Variants in MED30 observed in about 807,000 individuals in gnomAD.
The protein encoded by MED30 is mediator complex subunit 30.
In MED30, 8 loss-of-function variants were observed where a neutral mutation model predicts 21.7. The observed-to-expected ratio is 0.37, with a 90% CI of 0.22 to 0.67. MED30 has a LOEUF of 0.67. MED30 is among the 30% of genes least tolerant of loss of function. The pLI is 0.58. For missense variants in MED30, 203 were observed against 228.2 expected (o/e 0.89, Z 0.71); for synonymous variants, 79 against 86.7 (o/e 0.91, Z 0.49).
Position 117,540,081 on chromosome 8 carries a change from C to T in MED30, c.*103C>T. 1.8e-6 allele frequency: 1 copy of T among 562,176 alleles called. No homozygotes were observed. The highest frequency in any genetic ancestry group is 3.0e-5 in the South Asian group (1 of 33,262). 34.8% of individuals were successfully genotyped at this position (562,176 alleles called of 1,614,324 possible). On this transcript the variant is annotated 3_prime_UTR_variant, in exon 4 of 4. Coordinates refer to ENST00000297347, the MANE Select transcript of MED30 (RefSeq NM_080651.4). ...ATTATTTATCTGCTTTTATTTTAGT[C>T]ACTAAAACTAAAGTTTTTATTTTTA...
At chr8:117,524,301 A>C (rs1295482267) in intron 1 of MED30, among the ~76,000 whole-genome samples, 3 of 152,248 alleles carry the variant, frequency 2.0e-5, no homozygotes, top group Admixed American at 1.3e-4. Flanking sequence ...TTTAGTATTC[A>C]CATTTTAAAG....
At chr8:117,533,678 G>A (rs1818822804) in intron 3 of MED30, among the ~76,000 whole-genome samples, 2 of 152,048 alleles carry the variant, frequency 1.3e-5, no homozygotes, top group African/African-American at 4.8e-5. Context: ...CAACATCTCA[G>A]TACTATTTTC....
intron 1 of MED30, among the ~76,000 whole-genome samples, chr8:117,525,952 G>A (rs1461313188): frequency 1.3e-5 from 2 of 152,010 alleles, no homozygotes; most frequent in Admixed American, 1.3e-4. Flanking sequence ...TATTAGGTCC[G>A]TTCGGCCTAG....
chr8:117,523,859 T>G, intron 1 of MED30: 1 of 422,070 alleles, frequency 2.4e-6, no homozygotes, highest in Non-Finnish European at 4.3e-6. Flanking sequence ...ATACAAAAAT[T>G]AGCCGGGCGT....
chr8:117,523,730 T>C (rs1381597422), intron 1 of MED30: 6 of 1,424,014 alleles, frequency 4.2e-6, no homozygotes, highest in Admixed American at 1.8e-5. Context: ...GTTCATAGGC[T>C]AGGCGCGGTG....
At chr8:117,525,216 T>C (rs115061062) in intron 1 of MED30, among the ~76,000 whole-genome samples, 2,656 of 152,284 alleles carry the variant, frequency 0.017, 79 homozygotes, top group African/African-American at 0.06. Flanking sequence ...GATCACTTGA[T>C]AGGTGAAAAT....
At chr8:117,527,780 C>T (rs10107653) in intron 1 of MED30, among the ~76,000 whole-genome samples, 2,575 of 151,404 alleles carry the variant, frequency 0.017, 82 homozygotes, top group African/African-American at 0.058. Context: ...TACTAGAAAA[C>T]GTGGTACTGT....
At chr8:117,525,422 T>C (rs1818704482) in intron 1 of MED30, among the ~76,000 whole-genome samples, 1 of 151,988 alleles carries the variant, frequency 6.6e-6, no homozygotes, top group East Asian at 1.9e-4. Flanking sequence ...CTGCTCTGTG[T>C]GATACAACTT....
intron 1 of MED30, among the ~76,000 whole-genome samples, chr8:117,525,872 C>A (rs149017206): frequency 2.0e-4 from 31 of 152,096 alleles, no homozygotes; most frequent in Non-Finnish European, 3.5e-4. Flanking sequence ...ATTTCCCTGG[C>A]TATTCTTGCT....
intron 1 of MED30, chr8:117,523,480 AG>A: frequency 6.3e-7 from 1 of 1,586,970 alleles, no homozygotes. Flanking sequence ...GCTGCGGCGT[AG>A]GGTGGCAGGA....
At chr8:117,539,525 G>T (rs1237491007) in intron 3 of MED30, among the ~76,000 whole-genome samples, 1 of 152,098 alleles carries the variant, frequency 6.6e-6, no homozygotes, top group East Asian at 1.9e-4. Flanking sequence ...TCTGGCTCTA[G>T]AGTATGGGCT....
intron 1 of MED30, among the ~76,000 whole-genome samples, chr8:117,527,948 T>G (rs188943926): frequency 9.0e-4 from 137 of 152,044 alleles, no homozygotes; most frequent in Admixed American, 2.7e-3. Flanking sequence ...GATTTTTGTT[T>G]ACCTGTCATT....
chr8:117,533,794 T>G (rs768849867), intron 3 of MED30, among the ~76,000 whole-genome samples: 3 of 152,184 alleles, frequency 2.0e-5, no homozygotes, highest in Non-Finnish European at 2.9e-5. Flanking sequence ...CTAGGCCTGC[T>G]TTTCAGCTCT....
intron 3 of MED30, among the ~76,000 whole-genome samples, chr8:117,531,103 C>T (rs186695876): frequency 1.3e-5 from 2 of 151,946 alleles, no homozygotes; most frequent in Non-Finnish European, 1.5e-5. Context: ...CTTTTCTGGG[C>T]AGAATTCTAC....
intron 3 of MED30, among the ~76,000 whole-genome samples, chr8:117,532,310 G>T (rs1176010943): frequency 6.6e-6 from 1 of 151,816 alleles, no homozygotes; most frequent in Non-Finnish European, 1.5e-5. Context: ...TTTCTTGAAA[G>T]TATACAAAAA....
In MED30 at chr8:117,532,691, A is replaced by C. The variant is rs117768754; in HGVS notation, c.441+1864A>C. On this transcript the variant is annotated intron_variant, in intron 3 of 3. Coordinates refer to ENST00000297347, the MANE Select transcript of MED30 (RefSeq NM_080651.4). ...AACTCGGAAGAAAGGAAAAAGATGG[A>C]TAGATTTTATAAAATAAAATTTTGT... Among the ~76,000 whole-genome samples the C allele has an allele frequency of 6.1e-3, 929 of 152,248 alleles. 3 individuals are homozygous for C. Among genetic ancestry groups the C allele is most frequent in the Non-Finnish European group, 1.0e-2 (679 of 67,938 alleles).
At chr8:117,529,664 TAA>T (rs1039260270) in intron 2 of MED30, among the ~76,000 whole-genome samples, 3 of 151,030 alleles carry the variant, frequency 2.0e-5, no homozygotes, top group African/African-American at 4.9e-5. Flanking sequence ...TTGAAAAAAA[TAA>T]GAGAGGAAAG....
chr8:117,529,371 T>C (rs1818764488), intron 2 of MED30, among the ~76,000 whole-genome samples: 1 of 151,882 alleles, frequency 6.6e-6, no homozygotes, highest in Non-Finnish European at 1.5e-5. Flanking sequence ...TGGTAAGAGA[T>C]GACCAGAGAA....
At chr8:117,524,794 TTATG>T (rs1818694255) in intron 1 of MED30, among the ~76,000 whole-genome samples, 1 of 152,238 alleles carries the variant, frequency 6.6e-6, no homozygotes, top group African/African-American at 2.4e-5. Flanking sequence ...AAGCAAATGT[TTATG>T]TATATTGTTT....
Sources: gnomAD v4.1 joint callset for allele counts (sites outside exome capture counted in the v4.1 genomes callset) on GRCh38, gnomAD v4.1.1 for gene constraint, MANE v1.5 for transcripts, NCBI Gene and HGNC (gene_info 2026-07-23, HGNC 2026-07-21) for gene names.